Variants in EIF2AK4 observed in about 807,000 individuals in gnomAD.
The protein encoded by EIF2AK4 is eukaryotic translation initiation factor 2 alpha kinase 4, also known as eIF-2-alpha kinase GCN2.
A neutral mutation model predicts 211.1 loss-of-function variants in EIF2AK4; 139 were observed. That is an observed-to-expected ratio of 0.66 (90% CI 0.57 to 0.76). EIF2AK4 has a LOEUF of 0.76. Among genes scored for constraint, EIF2AK4 ranks in the 30% least tolerant of loss-of-function variants. EIF2AK4 has a pLI of 0.00. For synonymous variants in EIF2AK4, 710 were observed against 751.3 expected, an observed-to-expected ratio of 0.94 and a Z score of 0.90; for missense variants, 1,664 against 2,043.8, an observed-to-expected ratio of 0.81 and a Z score of 3.58.
chr15:39,997,150 T>C (rs2140931800), intron 19 of EIF2AK4, 85 bp downstream of exon 19: 2 of 1,050,442 alleles, frequency 1.9e-6, no homozygotes, highest in Admixed American at 3.6e-5. Context: ...GATATTTTTC[T>C]GGTATTTATA....
chr15:39,965,536 A>G (rs2034531725), intron 7 of EIF2AK4, 150 bp from the exon 8 acceptor site: 1 of 887,932 alleles, frequency 1.1e-6, no homozygotes. Context: ...AATTGTTTAC[A>G]AAAGGACATT....
chr15:39,948,964 T>C, intron 3 of EIF2AK4, 152 bp from the exon 4 acceptor site: 1 of 868,410 alleles, frequency 1.2e-6, no homozygotes, highest in Non-Finnish European at 1.8e-6. Context: ...GATTATATCA[T>C]ATACCGAATT....
At chr15:40,006,413 T>C (rs2035163329) in intron 23 of EIF2AK4, among the ~76,000 whole-genome samples, 1 of 152,192 alleles carries the variant, frequency 6.6e-6, no homozygotes, top group Admixed American at 6.5e-5. Flanking sequence ...TTTTTAAATA[T>C]CAGCTCCCAT....
chr15:40,006,523 A>G (rs960527670), intron 23 of EIF2AK4, among the ~76,000 whole-genome samples: 10 of 152,192 alleles, frequency 6.6e-5, no homozygotes, highest in Admixed American at 3.3e-4. Context: ...CTGTTGGGGC[A>G]ATCTAACAAT....
chr15:40,034,199 C>G, intron 37 of EIF2AK4, 127 bp from the exon 38 acceptor site: 1 of 727,340 alleles, frequency 1.4e-6, no homozygotes, highest in Non-Finnish European at 2.4e-6. Context: ...TCTGCTATCT[C>G]CCTATTACTG....
In EIF2AK4 at chr15:39,967,437, G is replaced by A. The variant is rs773184979; in HGVS notation, c.1111G>A (p.Asp371Asn). Reference sequence around the variant, plus strand: ...TGCAATGAATCTCAAAGAGCAAGACGACTCCATCGTGGTGGACATTTTAGT... The same window carrying A: ...TGCAATGAATCTCAAAGAGCAAGACAACTCCATCGTGGTGGACATTTTAGT... Reference protein sequence around the residue: ...YLAMNLKEQDDSIVVDILVEH... With the variant: ...YLAMNLKEQDNSIVVDILVEH... The change falls in exon 9 of 39, where the codon GAC becomes AAC. Residue 371 changes from aspartate to asparagine, a missense_variant. By Grantham distance (23) the Asp-to-Asn change is conservative. Coordinates refer to ENST00000263791, the MANE Select transcript of EIF2AK4 (RefSeq NM_001013703.4). The A allele has an allele frequency of 2.0e-5, 33 of 1,613,250 alleles. No homozygotes were observed. The highest frequency in any genetic ancestry group is 1.3e-4 in the East Asian group (6 of 44,854).
chr15:39,965,712 G>T lies in EIF2AK4; in HGVS notation c.886G>T (p.Val296Phe), dbSNP rs1161927437. 4 of 1,613,882 alleles carry T rather than the reference G, an allele frequency of 2.5e-6. No homozygotes were observed. The South Asian group carries it at 4.4e-5, about 18-fold the overall frequency. Residue 296 changes from valine to phenylalanine, a missense_variant, in exon 8 of 39, where the codon GTC becomes TTC. Coordinates refer to ENST00000263791, the MANE Select transcript of EIF2AK4 (RefSeq NM_001013703.4). ...IGSDEQLGKL[V>F]YNALETATGG... ...CAGTGATGAACAACTTGGAAAATTA[G>T]TCTACAATGCTTTGGAAACAGCCAC...
At position 39,968,230 on chromosome 15, in the gene EIF2AK4, G is replaced by C. The variant is rs147013383; in HGVS notation, c.1553+351G>C. On this transcript the variant is annotated intron_variant, in intron 9 of 38. Transcript: ENST00000263791. ...CTCTGGTTCCTAAAGGGTCAAAGAC[G>C]AGGCTCCTTATTCAAAAACAGCTTT... 3.9e-3 allele frequency among the ~76,000 whole-genome samples: 595 copies of C among 152,326 alleles called. 2 individuals are homozygous for C. The highest frequency in any genetic ancestry group is 6.5e-3 in the Non-Finnish European group (441 of 68,030).
At chr15:39,983,731 C>T (rs1045166331) in intron 13 of EIF2AK4, among the ~76,000 whole-genome samples, 11 of 152,196 alleles carry the variant, frequency 7.2e-5, no homozygotes, top group African/African-American at 1.4e-4. Context: ...CATGAGCCAC[C>T]GCGCCCGGCC....
intron 34 of EIF2AK4, 39 bp downstream of exon 34, chr15:40,029,503 A>G (rs1372218463): frequency 7.5e-6 from 12 of 1,596,412 alleles, no homozygotes; most frequent in Admixed American, 1.7e-5. Context: ...AATGATGCTT[A>G]TATGTTTGCT....
At chr15:40,002,058 A>G (rs1158453274) in intron 21 of EIF2AK4, among the ~76,000 whole-genome samples, 1 of 152,226 alleles carries the variant, frequency 6.6e-6, no homozygotes. Context: ...TATATGATAT[A>G]ATTTAAAAAG....
At chr15:39,990,940 AC>A (rs1220436212) in intron 16 of EIF2AK4, among the ~76,000 whole-genome samples, 2 of 152,340 alleles carry the variant, frequency 1.3e-5, no homozygotes, top group East Asian at 3.9e-4. Context: ...CTGTCGGAAG[AC>A]CAGCATACTG....
chr15:39,951,333 G>T, intron 4 of EIF2AK4: 1 of 188,084 alleles, frequency 5.3e-6, no homozygotes, highest in Non-Finnish European at 1.1e-5. Context: ...TGGGATTACA[G>T]GCTTGAGCCA....
chr15:39,937,784 C>T (rs1200192641), intron 1 of EIF2AK4, among the ~76,000 whole-genome samples: 1 of 152,162 alleles, frequency 6.6e-6, no homozygotes, highest in East Asian at 1.9e-4. Flanking sequence ...GTGTGCATCC[C>T]TCCTCCTCCA....
chr15:39,940,996 G>A (rs1290425456), intron 2 of EIF2AK4, among the ~76,000 whole-genome samples: 2 of 152,232 alleles, frequency 1.3e-5, no homozygotes, highest in African/African-American at 2.4e-5. Flanking sequence ...TGTTGTAAAG[G>A]ATATGGCTCT....
chr15:39,962,701 C>T (rs1048580386), intron 7 of EIF2AK4, among the ~76,000 whole-genome samples: 6 of 152,180 alleles, frequency 3.9e-5, no homozygotes, highest in African/African-American at 7.2e-5. Context: ...ACCAAGAAGA[C>T]CACCTTATTT....
chr15:39,989,931 G>A (rs1420387076), intron 15 of EIF2AK4, among the ~76,000 whole-genome samples: 1 of 152,208 alleles, frequency 6.6e-6, no homozygotes, highest in Non-Finnish European at 1.5e-5. Context: ...GAAAGGAATA[G>A]AAGAAGGAAT....
chr15:39,964,052 C>T (rs1308982208), intron 7 of EIF2AK4, among the ~76,000 whole-genome samples: 1 of 152,170 alleles, frequency 6.6e-6, no homozygotes. Context: ...TTTTAAACAG[C>T]AGGATTTTTT....
Position 39,972,964 on chromosome 15 carries a change from G to A in EIF2AK4, c.1610G>A (p.Ser537Asn), listed in dbSNP as rs2140916338. Residue 537 changes from serine (S) to asparagine (N), a missense_variant, in exon 10 of 39, where the codon AGC (serine) becomes AAC (asparagine). By Grantham distance (46) the Ser-to-Asn change is conservative (BLOSUM62 1). Transcript: ENST00000263791. ...RWSPQQLLKH[S>N]FINPQPKMPL... ...AGTCCCCAGCAGTTGTTGAAACACA[G>A]CTTTATAAATCCCCAGCCAAAAATG... is the stretch of plus-strand genomic sequence containing the variant. The A allele has an allele frequency of 6.2e-7, 1 of 1,614,030 alleles. No homozygotes were observed. Among genetic ancestry groups the A allele is most frequent in the East Asian group, 2.2e-5 (1 of 44,856 alleles).
Sources: gnomAD v4.1 joint callset for allele counts (sites outside exome capture counted in the v4.1 genomes callset) on GRCh38, gnomAD v4.1.1 for gene constraint, MANE v1.5 for transcripts, NCBI Gene and HGNC (gene_info 2026-07-23, HGNC 2026-07-21) for gene names.